The following CD2 variants were observed in gnomAD, a reference collection of about 807,000 sequenced individuals.
The protein encoded by CD2 is T-cell surface antigen CD2.
A neutral mutation model predicts 23.2 loss-of-function variants in CD2; 18 were observed. The observed-to-expected ratio is 0.77, with a 90% CI of 0.54 to 1.15. The LOEUF (loss-of-function observed/expected upper bound fraction) is 1.15. Among genes scored for constraint, CD2 ranks in the 50% most tolerant of loss-of-function variants. CD2 has a pLI of 0.00. For missense variants in CD2, 424 were observed against 423.1 expected (o/e 1.00, Z -0.02); for synonymous variants, 162 against 151.9 (o/e 1.07, Z -0.49).
chr1:116,768,207 G>A (rs1652274423), intron 4 of CD2, among the ~76,000 whole-genome samples: 1 of 152,144 alleles, frequency 6.6e-6, no homozygotes, highest in Non-Finnish European at 1.5e-5. Context: ...GGGAGCCCCA[G>A]GCACAAAGCC....
At chr1:116,766,035 C>A (rs951423338) in intron 4 of CD2, among the ~76,000 whole-genome samples, 7 of 152,188 alleles carry the variant, frequency 4.6e-5, no homozygotes, top group African/African-American at 1.7e-4. Context: ...AGGCAAGGAG[C>A]CCAGAATTTA....
rs1652198754 is a variant in CD2, at chr1:116,765,744, C to A, written c.736+1138C>A. ...CCATGCTCCTCTCCATGCTCCTTCTCCATTGACTAATGGTCAAAGACCATA... is the reference window on the plus strand; with the variant it reads ...CCATGCTCCTCTCCATGCTCCTTCTACATTGACTAATGGTCAAAGACCATA... On this transcript the variant is annotated intron_variant, in intron 4 of 4. Transcript: ENST00000369478. Among the ~76,000 whole-genome samples, 2 of 152,216 alleles carry A rather than the reference C, an allele frequency of 1.3e-5. 1 individual carries two copies. Among genetic ancestry groups the A allele is most frequent in the South Asian group, 4.1e-4 (2 of 4,830 alleles).
chr1:116,761,554 A>G (rs1005854121), intron 3 of CD2, among the ~76,000 whole-genome samples: 2 of 152,230 alleles, frequency 1.3e-5, no homozygotes, highest in Non-Finnish European at 2.9e-5. Flanking sequence ...TGCCCAGGAC[A>G]AAAGTCGTGG....
intron 2 of CD2, among the ~76,000 whole-genome samples, chr1:116,758,453 C>T (rs1310741746): frequency 1.3e-5 from 2 of 152,074 alleles, no homozygotes; most frequent in African/African-American, 4.8e-5. Context: ...CCAGCAATCC[C>T]AGATAGTGTC....
At chr1:116,764,287 A>C in intron 3 of CD2, 197 bp from the exon 4 acceptor site, 1 of 293,880 alleles carries the variant, frequency 3.4e-6, no homozygotes, top group Non-Finnish European at 5.1e-6. Context: ...AAGAGCCTGC[A>C]GAGGGAGCTT....
intron 4 of CD2, among the ~76,000 whole-genome samples, chr1:116,765,337 A>G (rs1652182900): frequency 6.6e-6 from 1 of 152,090 alleles, no homozygotes; most frequent in African/African-American, 2.4e-5. Flanking sequence ...GTTCTCTGCA[A>G]TTCACGTTCA....
At position 116,768,614 on chromosome 1, in the gene CD2, G is replaced by A. The variant is rs145678592; in HGVS notation, c.887G>A (p.Arg296His). ...PGHRSQAPSH[R>H]PPPPGHRVQH... ...CATCGTTCCCAGGCACCTAGTCATCGTCCCCCGCCTCCTGGACACCGTGTT... is the reference window on the plus strand; with the variant it reads ...CATCGTTCCCAGGCACCTAGTCATCATCCCCCGCCTCCTGGACACCGTGTT... Residue 296 changes from arginine (R) to histidine (H), a missense_variant, in exon 5 of 5, where the codon CGT becomes CAT. Coordinates refer to ENST00000369478, the MANE Select transcript of CD2 (RefSeq NM_001767.5). 1.1e-5 allele frequency: 18 copies of A among 1,613,808 alleles called. No homozygotes were observed. The Admixed American group carries it at 2.0e-4, about 18-fold the overall frequency.
chr1:116,764,336 AC>A, intron 3 of CD2, 147 bp from the exon 4 acceptor site: 1 of 1,284,060 alleles, frequency 7.8e-7, no homozygotes, highest in Non-Finnish European at 1.0e-6. Flanking sequence ...GACACCACTC[AC>A]CACCCTCTGT....
intron 2 of CD2, 141 bp from the exon 3 acceptor site, chr1:116,760,261 A>AAATAT: frequency 1.6e-6 from 1 of 638,728 alleles, no homozygotes; most frequent in Non-Finnish European, 2.7e-6. Flanking sequence ...AAATAAAATA[A>AAATAT]AATAATTTCC....
intron 4 of CD2, among the ~76,000 whole-genome samples, chr1:116,766,949 A>G (rs1181478166): frequency 6.6e-6 from 1 of 152,146 alleles, no homozygotes; most frequent in Non-Finnish European, 1.5e-5. Context: ...ATAGGAGATG[A>G]AGAAGGACCA....
At chr1:116,761,754 C>T (rs1427780422) in intron 3 of CD2, among the ~76,000 whole-genome samples, 1 of 152,180 alleles carries the variant, frequency 6.6e-6, no homozygotes, top group Admixed American at 6.5e-5. Context: ...AGCATCACTT[C>T]ACCCCCGGTT....
chr1:116,757,664 A>G (rs1651901032), intron 2 of CD2, among the ~76,000 whole-genome samples: 1 of 152,180 alleles, frequency 6.6e-6, no homozygotes, highest in African/African-American at 2.4e-5. Context: ...AAAGAACTTC[A>G]TAATATAATT....
intron 2 of CD2, among the ~76,000 whole-genome samples, chr1:116,756,713 C>T (rs2101155368): frequency 6.6e-6 from 1 of 152,282 alleles, no homozygotes; most frequent in Non-Finnish European, 1.5e-5. Context: ...AGAAACCCTT[C>T]ACCCTTTAGC....
intron 3 of CD2, among the ~76,000 whole-genome samples, chr1:116,764,103 G>T (rs986652876): frequency 6.6e-6 from 1 of 151,934 alleles, no homozygotes; most frequent in Non-Finnish European, 1.5e-5. Context: ...GTGGCTTCGG[G>T]CAACTCATTC....
At position 116,754,491 on chromosome 1, in the gene CD2, A is replaced by T; in HGVS notation, c.-2A>T. On this transcript the variant is annotated 5_prime_UTR_variant, in exon 1 of 5. The change creates a new upstream start codon in the 5' untranslated region. Transcript: ENST00000369478. ...AATCAAAAGAGGAAACCAACCCCTAAGATGAGCTTTCCATGTAAATTTGTA... is the reference window on the plus strand; with the variant it reads ...AATCAAAAGAGGAAACCAACCCCTATGATGAGCTTTCCATGTAAATTTGTA... The T allele has an allele frequency of 6.2e-7, 1 of 1,613,872 alleles. No homozygotes were observed.
At chr1:116,756,990 TC>T (rs1211083122) in intron 2 of CD2, among the ~76,000 whole-genome samples, 69 of 112,588 alleles carry the variant, frequency 6.1e-4, no homozygotes, top group African/African-American at 1.0e-3. Context: ...TCCAAGCTTC[TC>T]TTTTTTTTTT....
At chr1:116,768,107 C>A (rs911586336) in intron 4 of CD2, among the ~76,000 whole-genome samples, 2 of 152,136 alleles carry the variant, frequency 1.3e-5, no homozygotes, top group Non-Finnish European at 2.9e-5. Context: ...CCTTCCCATG[C>A]GCTCTAACCA....
intron 2 of CD2, among the ~76,000 whole-genome samples, chr1:116,757,965 C>T (rs544026440): frequency 6.6e-6 from 1 of 151,990 alleles, no homozygotes; most frequent in African/African-American, 2.4e-5. Flanking sequence ...AGATGTATTT[C>T]ACCATGTTGG....
chr1:116,754,505 TG>T lies in CD2; in HGVS notation c.14del (p.Cys5LeufsTer4). 6.2e-7 allele frequency: 1 copy of T among 1,614,040 alleles called. No individual in the cohort carries two copies. Among genetic ancestry groups the T allele is most frequent in the African/African-American group, 1.3e-5 (1 of 75,052 alleles). On this transcript the variant is annotated frameshift_variant, in exon 1 of 5. Transcript: ENST00000369478. LOFTEE classifies it high-confidence loss of function. MSFP[C>X]KFVASFLLIF... ...ACCAACCCCTAAGATGAGCTTTCCA[TG>T]TAAATTTGTAGCCAGCTTCCTTCTG...
Sources: allele counts gnomAD v4.1 joint callset (sites outside exome capture counted in the v4.1 genomes callset), GRCh38; gene constraint gnomAD v4.1.1; transcripts MANE v1.5; gene names NCBI Gene and HGNC (gene_info 2026-07-23, HGNC 2026-07-21).